Variants in RAB37 observed in about 807,000 individuals in gnomAD.
The protein encoded by RAB37 is ras-related protein Rab-37.
In RAB37, 29 loss-of-function variants were observed where a neutral mutation model predicts 33.1. That is an observed-to-expected ratio of 0.88 (90% CI 0.65 to 1.20). RAB37 has a LOEUF of 1.20. Ranked by LOEUF, RAB37 falls within the 50% of genes most tolerant of loss-of-function variation. The pLI, the probability that RAB37 is intolerant of heterozygous loss-of-function variation, is 0.00. For synonymous variants in RAB37, 128 were observed against 119.5 expected (o/e 1.07, Z -0.47); for missense variants, 299 against 301.1 (o/e 0.99, Z 0.05).
At chr17:74,731,951 G>A (rs536872210) in intron 2 of RAB37, among the ~76,000 whole-genome samples, 3 of 151,976 alleles carry the variant, frequency 2.0e-5, no homozygotes, top group Non-Finnish European at 2.9e-5. Flanking sequence ...CGGAGGTTGC[G>A]GCGAGCCAAT....
At chr17:74,731,196 A>G (rs894268898) in intron 2 of RAB37, among the ~76,000 whole-genome samples, 1 of 152,180 alleles carries the variant, frequency 6.6e-6, no homozygotes, top group Admixed American at 6.5e-5. Flanking sequence ...GCTACAAGAC[A>G]CTTGTTTACC....
intron 1 of RAB37, among the ~76,000 whole-genome samples, chr17:74,674,731 C>G (rs1424151520): frequency 1.3e-5 from 2 of 152,154 alleles, no homozygotes; most frequent in Non-Finnish European, 2.9e-5. Context: ...TCTTATGTGT[C>G]TACCTTGGTG....
chr17:74,718,646 C>T (rs374308712), intron 1 of RAB37, among the ~76,000 whole-genome samples: 2 of 152,200 alleles, frequency 1.3e-5, no homozygotes. Flanking sequence ...TCAGATTCCC[C>T]AGTGCAATGC....
chr17:74,686,337 C>T (rs2032054251), intron 1 of RAB37, among the ~76,000 whole-genome samples: 1 of 152,122 alleles, frequency 6.6e-6, no homozygotes, highest in Non-Finnish European at 1.5e-5. Context: ...AGGCAACCCA[C>T]ACGCCTCAGC....
chr17:74,714,993 G>C (rs1009212801), intron 1 of RAB37, among the ~76,000 whole-genome samples: 4 of 152,156 alleles, frequency 2.6e-5, no homozygotes, highest in Non-Finnish European at 5.9e-5. Flanking sequence ...GTGGTGGTGG[G>C]TGCTTATAAT....
rs55820534 is a variant in RAB37, at chr17:74,675,433, GA to G, written c.72+3789del. Among the ~76,000 whole-genome samples the G allele has an allele frequency of 2.6e-3, 340 of 130,460 alleles. 1 individual carries two copies. Among genetic ancestry groups the G allele is most frequent in the African/African-American group, 3.6e-3 (127 of 35,654 alleles). 85.6% of individuals were successfully genotyped at this position (130,460 alleles called of 152,430 possible). On this transcript the variant is annotated intron_variant, in intron 1 of 7. Coordinates refer to the RAB37 transcript ENST00000340415. ...CTGGTGACAGAGTGAGACTCCATCC[GA>G]AAAAAAAAAAAAAGTGGTTGTATTA...
At chr17:74,675,603 C>A (rs1426955097) in intron 1 of RAB37, among the ~76,000 whole-genome samples, 1 of 152,100 alleles carries the variant, frequency 6.6e-6, no homozygotes, top group Non-Finnish European at 1.5e-5. Context: ...AGGCAGAAGT[C>A]CATGGAAATA....
At chr17:74,706,282 A>ATATATAT (rs1555586594) in intron 1 of RAB37, among the ~76,000 whole-genome samples, 8 of 145,160 alleles carry the variant, frequency 5.5e-5, no homozygotes, top group African/African-American at 2.0e-4. Flanking sequence ...GGAAAAAAAA[A>ATATATAT]ATATATATAT....
At chr17:74,734,996 A>G (rs1434371723), upstream of RAB37, among the ~76,000 whole-genome samples, 5,001 of 104,638 alleles carry the variant, frequency 0.048, 225 homozygotes, top group East Asian at 0.1. Flanking sequence ...AGAAAGGAAG[A>G]AAGAAAAAGA....
rs1275173575 is a variant in RAB37 at position 74,671,567 on chromosome 17, C to A, written c.-20C>A. The A allele has an allele frequency of 6.2e-6, 10 of 1,613,366 alleles. No homozygotes were observed. The highest frequency in any genetic ancestry group is 1.7e-5 in the Admixed American group (1 of 60,012). On this transcript the variant is annotated 5_prime_UTR_variant, in exon 1 of 8. Transcript: ENST00000340415. The surrounding 1 kb of genome is among the most constrained non-coding windows in gnomAD (Gnocchi z 5.0). ...ACGCAGAGCGCAGGGAGAGCCGGAG[C>A]GGCGAGCTCCAAGCCTGGCATGGAC...
At position 74,671,731 on chromosome 17, in the gene RAB37, G is replaced by T; in HGVS notation, c.72+73G>T. On this transcript the variant is annotated intron_variant, in intron 1 of 7. Transcript: ENST00000340415. The surrounding 1 kb of genome is among the most constrained non-coding windows in gnomAD (Gnocchi z 5.0). ...CACCAGGAGTTTTCTCCACTCCCCT[G>T]ACTTTGCTTTGGGACTTAATGAGAA... The T allele has an allele frequency of 7.3e-7, 1 of 1,376,772 alleles. No homozygotes were observed. 85.3% of individuals were successfully genotyped at this position (1,376,772 alleles called of 1,614,324 possible). A position where few individuals can be genotyped will look rare whatever the true frequency, so the allele number is the denominator to read the frequency against.
chr17:74,730,117 G>A lies in RAB37; in HGVS notation c.183+751G>A, dbSNP rs1006753315. Among the ~76,000 whole-genome samples the A allele has an allele frequency of 2.0e-5, 3 of 152,180 alleles. No individual in the cohort carries two copies. Among genetic ancestry groups the A allele is most frequent in the African/African-American group, 7.2e-5 (3 of 41,446 alleles). On this transcript the variant is annotated intron_variant, in intron 2 of 7. Transcript: ENST00000340415. The surrounding 1 kb of genome is among the most constrained non-coding windows in gnomAD (Gnocchi z 4.4). ...TTGTCCCGTGCCTGCGGCTGCAGCT[G>A]CCCTTGAATTCCTGGGAAGACCTTG...
At chr17:74,735,018 G>GAAGGAAGA (rs1207905817), upstream of RAB37, among the ~76,000 whole-genome samples, 357 of 82,300 alleles carry the variant, frequency 4.3e-3, 3 homozygotes, top group South Asian at 0.018. Context: ...AGGAAGGAAG[G>GAAGGAAGA]AAGAAAGAAA....
chr17:74,741,769 GCAGGCAGAAAGCGAA>G, intron 2 of RAB37, among the ~76,000 whole-genome samples: 1 of 152,290 alleles, frequency 6.6e-6, no homozygotes, highest in Non-Finnish European at 1.5e-5. Context: ...ACAGCTTCAA[GCAGGCAGAAAGCGAA>G]CACTTCCTTC....
At position 74,689,368 on chromosome 17, in the gene RAB37, G is replaced by A. The variant is rs555543915; in HGVS notation, c.72+17710G>A. 4.6e-5 allele frequency among the ~76,000 whole-genome samples: 7 copies of A among 152,158 alleles called. No individual in the cohort carries two copies. In the South Asian group the frequency reaches 6.2e-4, roughly 14 times the overall value. On this transcript the variant is annotated intron_variant, in intron 1 of 7. Transcript: ENST00000340415. ...CGAGGCAAGAGAATCGCTTGAAGTC[G>A]GGAGGCAGAGGTTGTGGTGAGCCAA...
upstream of RAB37, among the ~76,000 whole-genome samples, chr17:74,734,050 T>C (rs939993262): frequency 1.3e-5 from 2 of 152,172 alleles, no homozygotes; most frequent in Non-Finnish European, 2.9e-5. Context: ...ACCTTCTGTA[T>C]TCCAAACCCA....
chr17:74,726,150 G>C (rs1428072085), intron 1 of RAB37, among the ~76,000 whole-genome samples: 1 of 151,152 alleles, frequency 6.6e-6, no homozygotes, highest in Non-Finnish European at 1.5e-5. Flanking sequence ...CAGAAGAATA[G>C]CTTGAACTCG....
chr17:74,744,779 A>C lies in RAB37; in HGVS notation c.433-94A>C. The C allele has an allele frequency of 6.9e-7, 1 of 1,459,806 alleles. No homozygotes were observed. 90.4% of individuals were successfully genotyped at this position (1,459,806 alleles called of 1,614,324 possible). A position where few individuals can be genotyped will look rare whatever the true frequency, so the allele number is the denominator to read the frequency against. Reference sequence around the variant, plus strand: ...CCTGCCTGCAGTCCCTTGGGCCACCAGCAGAGGGCAGGCAACGCCTGCTTC... The same window carrying C: ...CCTGCCTGCAGTCCCTTGGGCCACCCGCAGAGGGCAGGCAACGCCTGCTTC... On this transcript the variant is annotated intron_variant, in intron 6 of 8. Transcript: ENST00000392613. This position sits in a 1 kb window ranked among gnomAD's most constrained non-coding sequence, Gnocchi z 4.2.
chr17:74,684,605 T>C (rs2032017512), intron 1 of RAB37, among the ~76,000 whole-genome samples: 1 of 151,968 alleles, frequency 6.6e-6, no homozygotes, highest in African/African-American at 2.4e-5. Context: ...CTGACCAACA[T>C]GACGAAACCC....
Sources: allele counts gnomAD v4.1 joint callset (sites outside exome capture counted in the v4.1 genomes callset), GRCh38; gene constraint gnomAD v4.1.1; non-coding constraint Gnocchi (gnomAD v3.1); transcripts MANE v1.5; gene names NCBI Gene and HGNC (gene_info 2026-07-23, HGNC 2026-07-21).